The following PARVG variants were observed in gnomAD, a reference collection of about 807,000 sequenced individuals.
The protein encoded by PARVG is gamma-parvin.
A neutral mutation model predicts 44.4 loss-of-function variants in PARVG; 36 were observed. The ratio of observed to expected loss-of-function variants is 0.81; its 90% CI spans 0.62 to 1.07. The LOEUF (loss-of-function observed/expected upper bound fraction) is 1.07. PARVG is among the 50% of genes least tolerant of loss of function. The pLI is 0.00. For synonymous variants in PARVG, 170 were observed against 174.1 expected, an observed-to-expected ratio of 0.98 and a Z score of 0.19; for missense variants, 407 against 407.4, an observed-to-expected ratio of 1.00 and a Z score of 0.01.
intron 12 of PARVG, among the ~76,000 whole-genome samples, chr22:44,202,550 T>C (rs1411609331): frequency 6.6e-6 from 1 of 152,238 alleles, no homozygotes; most frequent in Non-Finnish European, 1.5e-5. Context: ...TACTTCTGAA[T>C]ATGAGTCAGA....
chr22:44,192,097 G>C lies in PARVG; in HGVS notation c.553G>C (p.Glu185Gln). The stretch of plus-strand genomic sequence containing the variant: ...AGAGAAGTTGGTGGAACAGCTCACT[G>C]AATACAGGTGAGGGAAGGATGAGGG... Reference protein sequence around the residue: ...KSEKLVEQLTEYSTDKDEPPK... With the variant: ...KSEKLVEQLTQYSTDKDEPPK... Residue 185 changes from glutamate (E) to glutamine (Q), a missense_variant, in exon 8 of 14, where the codon GAA (glutamate) becomes CAA (glutamine). Physicochemically the swap from Glu to Gln is conservative, Grantham distance 29. Transcript: ENST00000444313. The C allele has an allele frequency of 6.3e-7, 1 of 1,594,386 alleles. No homozygotes were observed. Among genetic ancestry groups the C allele is most frequent in the South Asian group, 1.1e-5 (1 of 90,876 alleles).
At chr22:44,173,741 G>A (rs933033334) in intron 1 of PARVG, among the ~76,000 whole-genome samples, 12 of 152,154 alleles carry the variant, frequency 7.9e-5, no homozygotes, top group African/African-American at 2.9e-4. Context: ...AGAGAGGGAG[G>A]TTCTGCCCCT....
At chr22:44,204,487 G>T (rs1479350375) in intron 12 of PARVG, among the ~76,000 whole-genome samples, 1 of 152,252 alleles carries the variant, frequency 6.6e-6, no homozygotes, top group Non-Finnish European at 1.5e-5. Flanking sequence ...AGGGATGGGG[G>T]TGGCAGTACA....
chr22:44,185,699 A>ACC (rs755726789), intron 3 of PARVG, 109 bp from the exon 4 acceptor site: 5 of 881,154 alleles, frequency 5.7e-6, no homozygotes, highest in Non-Finnish European at 8.9e-6. Flanking sequence ...AAGTGGCAGG[A>ACC]CCGGTGCCCC....
At position 44,188,056 on chromosome 22, in the gene PARVG, A is replaced by C. The variant is rs1036013483; in HGVS notation, c.247+178A>C. ...GAGATGGAGGCGCTGTCCACAGCCC[A>C]TGAGTGAGGGGGCCGAGCTGGGGCT... On this transcript the variant is annotated intron_variant, in intron 5 of 13. Coordinates refer to ENST00000444313, the MANE Select transcript of PARVG (RefSeq NM_022141.7). The C allele has an allele frequency of 1.7e-5, 11 of 666,354 alleles. No individual in the cohort carries two copies. In the South Asian group the frequency reaches 1.8e-4, roughly 11 times the overall value. 41.3% of individuals were successfully genotyped at this position (666,354 alleles called of 1,614,324 possible).
chr22:44,204,455 C>T (rs947164516), intron 12 of PARVG, among the ~76,000 whole-genome samples: 1 of 152,244 alleles, frequency 6.6e-6, no homozygotes, highest in Admixed American at 6.5e-5. Flanking sequence ...TGTGACTTGT[C>T]CGAGGTCAGA....
At chr22:44,177,518 C>G (rs2054329800), upstream of PARVG, among the ~76,000 whole-genome samples, 1 of 152,170 alleles carries the variant, frequency 6.6e-6, no homozygotes, top group South Asian at 2.1e-4. Context: ...AGTGGCCCTT[C>G]AGTCTTTCCT....
chr22:44,187,723 G>A (rs2054492830), intron 4 of PARVG, 53 bp from the exon 5 acceptor site: 1 of 1,558,808 alleles, frequency 6.4e-7, no homozygotes, highest in East Asian at 2.2e-5. Flanking sequence ...CCAGGTGGAG[G>A]GCCAGGTGAG....
chr22:44,205,929 A>G, intron 13 of PARVG, 100 bp downstream of exon 13: 1 of 1,358,958 alleles, frequency 7.4e-7, no homozygotes, highest in South Asian at 1.2e-5. Flanking sequence ...ATGAGCACGC[A>G]TTGGCAGAGT....
Position 44,187,847 on chromosome 22 carries a change from G to A in PARVG, c.216G>A (p.Met72Ile). ...TGGTCCGCAGCCTGGAGGAGGACAT[G>A]TTCGACGGGCTCATCCTACACCACC... ...HIVVRSLEED[M>I]FDGLILHHLF... is the part of the protein sequence containing the mutation. The change falls in exon 5 of 14, where the codon ATG becomes ATA. Residue 72 changes from methionine (M) to isoleucine (I), a missense_variant. Met to Ile is a conservative substitution (Grantham distance 10). Transcript: ENST00000444313. The A allele has an allele frequency of 1.2e-6, 2 of 1,614,266 alleles. No homozygotes were observed. The highest frequency in any genetic ancestry group is 1.7e-6 in the Non-Finnish European group (2 of 1,180,040).
In PARVG at chr22:44,192,122, G is replaced by A. The variant is rs896637014; in HGVS notation, c.560+18G>A. On this transcript the variant is annotated intron_variant, in intron 8 of 13. Transcript: ENST00000444313. ...GAATACAGGTGAGGGAAGGATGAGG[G>A]CCCATGGGTGGGGCTGGGGCTCACA... The A allele has an allele frequency of 1.6e-5, 25 of 1,609,822 alleles. No homozygotes were observed. Among genetic ancestry groups the A allele is most frequent in the East Asian group, 2.2e-5 (1 of 44,810 alleles).
rs2054655878 is a variant in PARVG, at chr22:44,198,886, CTATTCACCT to C, written c.813+165_813+173del. Among the ~76,000 whole-genome samples the C allele has an allele frequency of 2.9e-5, 4 of 138,658 alleles. No individual in the cohort carries two copies. In the South Asian group the frequency reaches 9.5e-4, roughly 33 times the overall value. 91.0% of individuals were successfully genotyped at this position (138,658 alleles called of 152,430 possible). ...TCCATCCATCCATCCATCCATCCAC[CTATTCACCT>C]ATCCATCCATCTACCCATCCATCCA... is the stretch of plus-strand genomic sequence containing the variant. On this transcript the variant is annotated intron_variant, in intron 12 of 13. Coordinates refer to ENST00000444313, the MANE Select transcript of PARVG (RefSeq NM_022141.7).
At chr22:44,183,508 C>A in intron 3 of PARVG, 100 bp downstream of exon 3, 1 of 1,192,632 alleles carries the variant, frequency 8.4e-7, no homozygotes, top group Non-Finnish European at 1.1e-6. Context: ...CAGCTGTCAG[C>A]TGAGCGCCCA....
chr22:44,181,370 G>A, intron 1 of PARVG, 185 bp downstream of exon 1: 2 of 985,560 alleles, frequency 2.0e-6, no homozygotes, highest in Non-Finnish European at 2.4e-6. Context: ...CGAGAGTCCA[G>A]GTAGGAGTCT....
intron 12 of PARVG, among the ~76,000 whole-genome samples, chr22:44,199,769 G>C (rs1210152741): frequency 6.6e-6 from 1 of 152,172 alleles, no homozygotes; most frequent in African/African-American, 2.4e-5. Context: ...CAGAGGGGAG[G>C]GAATAGCATC....
At chr22:44,191,388 A>AT (rs35954868) in intron 7 of PARVG, among the ~76,000 whole-genome samples, 31,426 of 63,688 alleles carry the variant, frequency 0.49, 11,295 homozygotes, top group Non-Finnish European at 0.58. Context: ...AGTCATTTCT[A>AT]TTTTTTTTTT....
chr22:44,202,626 TG>T (rs2147240449), intron 12 of PARVG, among the ~76,000 whole-genome samples: 1 of 152,372 alleles, frequency 6.6e-6, no homozygotes, highest in South Asian at 2.1e-4. Context: ...TACAGCATAT[TG>T]TGGGCAATCT....
intron 3 of PARVG, chr22:44,184,650 C>T (rs2054436923): frequency 6.6e-6 from 1 of 152,206 alleles, no homozygotes; most frequent in Non-Finnish European, 1.5e-5. Flanking sequence ...CTGAATGCCG[C>T]CTTTTAAGTA....
intron 1 of PARVG, among the ~76,000 whole-genome samples, chr22:44,174,533 C>G (rs930160912): frequency 6.7e-6 from 1 of 149,514 alleles, no homozygotes; most frequent in Admixed American, 6.7e-5. Flanking sequence ...ATGACAAAAC[C>G]CTGTCTCCGC....
Sources: gnomAD v4.1 joint callset for allele counts (sites outside exome capture counted in the v4.1 genomes callset) on GRCh38, gnomAD v4.1.1 for gene constraint, MANE v1.5 for transcripts, NCBI Gene and HGNC (gene_info 2026-07-23, HGNC 2026-07-21) for gene names.